The following FRMPD4 variants were observed in gnomAD, a reference collection of about 807,000 sequenced individuals.
FRMPD4 encodes FERM and PDZ domain-containing protein 4.
In FRMPD4, 22 loss-of-function variants were observed where a neutral mutation model predicts 94.1. The observed-to-expected ratio is 0.23, with a 90% CI of 0.17 to 0.33. The LOEUF is 0.33. Ranked by LOEUF, FRMPD4 falls within the 10% of genes least tolerant of loss-of-function variation. The probability of loss-of-function intolerance (pLI) is 1.00; values close to 1 mark genes in which losing one functional copy is unlikely to be tolerated. For missense variants in FRMPD4, 1,111 were observed against 1,339.9 expected (o/e 0.83, Z 2.67); for synonymous variants, 631 against 548.6 (o/e 1.15, Z -2.10).
intron 3 of FRMPD4, among the ~76,000 whole-genome samples, chrX:12,073,670 GTAA>G (rs2054988687): frequency 8.9e-6 from 1 of 112,242 alleles, no homozygotes; most frequent in Non-Finnish European, 1.9e-5. Flanking sequence ...CAAAATGAAT[GTAA>G]TAATGTATCT....
intron 3 of FRMPD4, among the ~76,000 whole-genome samples, chrX:11,994,531 G>A (rs185893821): frequency 9.0e-6 from 1 of 111,055 alleles, no homozygotes; most frequent in African/African-American, 3.3e-5. Flanking sequence ...TGAGGAGTGC[G>A]TTTGAGAGTC....
intron 3 of FRMPD4, among the ~76,000 whole-genome samples, chrX:12,029,893 T>G (rs1353533665): frequency 9.0e-6 from 1 of 111,583 alleles, no homozygotes; most frequent in Non-Finnish European, 1.9e-5. Flanking sequence ...GGGGATTACA[T>G]AGGGCATATA....
At chrX:12,583,355 G>A (rs901553225) in intron 2 of FRMPD4, 9 of 688,076 alleles carry the variant, frequency 1.3e-5, no homozygotes, top group Non-Finnish European at 2.0e-5. Context: ...AGGGATGAGA[G>A]CCCCAGGCCG....
chrX:12,538,928 C>T (rs761614926), intron 2 of FRMPD4, among the ~76,000 whole-genome samples: 1 of 111,872 alleles, frequency 8.9e-6, no homozygotes, highest in Non-Finnish European at 1.9e-5. Context: ...AGAGCTGGAG[C>T]TGGATGGAGA....
intron 1 of FRMPD4, among the ~76,000 whole-genome samples, chrX:12,237,697 A>C (rs932423393): frequency 8.9e-6 from 1 of 111,872 alleles, no homozygotes; most frequent in Non-Finnish European, 1.9e-5. Context: ...ATTTTCAAGA[A>C]GCTTTATGTT....
chrX:11,992,155 C>T (rs2054468569), intron 3 of FRMPD4, among the ~76,000 whole-genome samples: 1 of 110,135 alleles, frequency 9.1e-6, no homozygotes, highest in South Asian at 3.8e-4. Flanking sequence ...AAAAAAAATC[C>T]CTTGTTAAAA....
chrX:11,983,560 C>T (rs1019747762), intron 3 of FRMPD4, among the ~76,000 whole-genome samples: 1 of 111,767 alleles, frequency 8.9e-6, no homozygotes, highest in Non-Finnish European at 1.9e-5. Context: ...TAATTTAACT[C>T]AGCATTTTAG....
intron 3 of FRMPD4, among the ~76,000 whole-genome samples, chrX:11,982,564 A>G (rs1398560148): frequency 1.8e-5 from 2 of 111,201 alleles, no homozygotes; most frequent in Non-Finnish European, 3.8e-5. Context: ...ACCATCTTGC[A>G]TTATCTACCA....
intron 1 of FRMPD4, among the ~76,000 whole-genome samples, chrX:12,186,487 A>G (rs1005960444): frequency 5.4e-5 from 6 of 111,469 alleles, no homozygotes; most frequent in African/African-American, 2.0e-4. Context: ...ATCATATGTC[A>G]CGTAATAATA....
chrX:11,934,631 C>T (rs1421543862), intron 3 of FRMPD4, among the ~76,000 whole-genome samples: 1 of 111,923 alleles, frequency 8.9e-6, no homozygotes, highest in African/African-American at 3.2e-5. Flanking sequence ...GAAGGAAGCC[C>T]TTGTCTTTTG....
At chrX:12,473,961 G>A (rs1238863027) in intron 1 of FRMPD4, among the ~76,000 whole-genome samples, 10 of 109,505 alleles carry the variant, frequency 9.1e-5, no homozygotes, top group South Asian at 3.8e-4. Context: ...TGCACCAAGC[G>A]GACCTAATAG....
chrX:11,915,188 A>G (rs1407673280), intron 3 of FRMPD4, among the ~76,000 whole-genome samples: 1 of 112,620 alleles, frequency 8.9e-6, no homozygotes, highest in Non-Finnish European at 1.9e-5. Flanking sequence ...CAGAAATTGT[A>G]TTTCTGAACA....
chrX:12,667,155 T>C (rs1425480272), intron 4 of FRMPD4, among the ~76,000 whole-genome samples: 2 of 112,525 alleles, frequency 1.8e-5, no homozygotes, highest in Admixed American at 1.9e-4. Flanking sequence ...TGCTTTCATA[T>C]GTAATCCTAA....
At chrX:11,836,243 G>A (rs1251965556) in intron 1 of FRMPD4, among the ~76,000 whole-genome samples, 1 of 111,701 alleles carries the variant, frequency 9.0e-6, no homozygotes, top group African/African-American at 3.3e-5. Context: ...TGTGGGTGGT[G>A]TTGGGACCTC....
At chrX:12,095,528 G>A (rs1487257243) in intron 3 of FRMPD4, among the ~76,000 whole-genome samples, 2 of 111,709 alleles carry the variant, frequency 1.8e-5, no homozygotes, top group Non-Finnish European at 3.8e-5. Flanking sequence ...TGACAGTTGA[G>A]TAGTTGTGAC....
intron 2 of FRMPD4, among the ~76,000 whole-genome samples, chrX:11,869,640 C>T (rs2053744718): frequency 9.0e-6 from 1 of 111,220 alleles, no homozygotes; most frequent in African/African-American, 3.3e-5. Flanking sequence ...TTAAATATAA[C>T]ATTAAAATCA....
Position 12,472,958 on chromosome X carries a change from G to A in FRMPD4, c.42-25722G>A, listed in dbSNP as rs554114966. ...CCAACATTCGGATTCAGGAAATACA[G>A]AGAACGCCACAAAGATACTCCTCGA... is the stretch of plus-strand genomic sequence containing the variant. On this transcript the variant is annotated intron_variant, in intron 1 of 16. Transcript: ENST00000675598. Among the ~76,000 whole-genome samples the A allele has an allele frequency of 2.2e-4, 24 of 109,223 alleles. No homozygotes were observed. The South Asian group carries it at 9.3e-3, about 42-fold the overall frequency. The allele number at this position is 109,223 out of a possible 115,157, so 94.8% of individuals were successfully genotyped here.
chrX:12,293,887 C>T (rs1345723103), intron 1 of FRMPD4, among the ~76,000 whole-genome samples: 1 of 111,969 alleles, frequency 8.9e-6, no homozygotes, highest in Non-Finnish European at 1.9e-5. Flanking sequence ...AGAATAATAG[C>T]GTAGCCCTTA....
chrX:12,101,373 A>C (rs1348127010), intron 3 of FRMPD4, among the ~76,000 whole-genome samples: 1 of 110,563 alleles, frequency 9.0e-6, no homozygotes, highest in Non-Finnish European at 1.9e-5. Context: ...TTTCCCCTCT[A>C]TTGAGGGTAA....
Sources: allele counts gnomAD v4.1 joint callset (sites outside exome capture counted in the v4.1 genomes callset), GRCh38; gene constraint gnomAD v4.1.1; transcripts MANE v1.5; gene names NCBI Gene and HGNC (gene_info 2026-07-23, HGNC 2026-07-21).